Variants in DEFB119 observed in about 807,000 individuals in gnomAD.
DEFB119 encodes the protein beta-defensin 119.
DEFB119 carries 3 observed loss-of-function variants against 2.5 expected under a neutral mutation model. The observed-to-expected ratio is 1.19, with a 90% confidence interval of 0.54 to 3.07. The LOEUF is 3.07. Among genes scored for constraint, DEFB119 ranks in the 30% most tolerant of loss-of-function variants. The pLI is 0.03. For synonymous variants in DEFB119, 29 were observed against 33.7 expected, an observed-to-expected ratio of 0.86 and a Z score of 0.48; for missense variants, 113 against 101.1, an observed-to-expected ratio of 1.12 and a Z score of -0.50.
At chr20:31,388,874 G>A in intron 1 of DEFB119, 1 of 1,388,216 alleles carries the variant, frequency 7.2e-7, no homozygotes, top group Admixed American at 2.2e-5. Context: ...CAGCCCTAGT[G>A]ACTTCTCTCG....
At chr20:31,378,387 C>G (rs1358516359) in intron 1 of DEFB119, 5 of 1,614,130 alleles carry the variant, frequency 3.1e-6, no homozygotes, top group Non-Finnish European at 4.2e-6. Context: ...CTGTCCTCAC[C>G]AGAGCTGTAT....
At chr20:31,388,953 G>A in intron 1 of DEFB119, 2 of 1,515,702 alleles carry the variant, frequency 1.3e-6, no homozygotes, top group African/African-American at 2.8e-5. Flanking sequence ...CCTTATGATT[G>A]ACAGACACCA....
At chr20:31,386,327 A>G (rs1025187244) in intron 1 of DEFB119, among the ~76,000 whole-genome samples, 3 of 152,152 alleles carry the variant, frequency 2.0e-5, no homozygotes, top group African/African-American at 7.2e-5. Context: ...TGGGCAGCCT[A>G]AGTGTCCCAG....
chr20:31,390,186 A>G (rs183866691), intron 1 of DEFB119, among the ~76,000 whole-genome samples: 1 of 151,886 alleles, frequency 6.6e-6, no homozygotes, highest in East Asian at 1.9e-4. Flanking sequence ...ACCTCTCCCA[A>G]GCTCCCACCA....
chr20:31,378,103 G>A (rs1029770086), intron 1 of DEFB119, among the ~76,000 whole-genome samples: 1 of 152,216 alleles, frequency 6.6e-6, no homozygotes, highest in Non-Finnish European at 1.5e-5. Context: ...ACCATGCAGT[G>A]TCGATAGGAA....
rs532089598 is a variant in DEFB119 at position 31,387,374 on chromosome 20, A to G, written c.61+3049T>C. Among the ~76,000 whole-genome samples the G allele has an allele frequency of 2.0e-5, 3 of 152,350 alleles. No homozygotes were observed. In the South Asian group the frequency reaches 6.2e-4, roughly 32 times the overall value. ...TAACATTTGCAGGTCCTGAGGCAAG[A>G]AGGCAAATGAAGGCTACTGTGTCAT... On this transcript the variant is annotated intron_variant, in intron 1 of 1. Transcript: ENST00000376321.
rs572778611 is a variant in DEFB119, at chr20:31,389,449, C to G, written c.61+974G>C. On this transcript the variant is annotated intron_variant, in intron 1 of 1. Coordinates refer to ENST00000376321, the MANE Select transcript of DEFB119 (RefSeq NM_153289.4). ...GAGAGCTCCGAAGTTTTTGGGAGAG[C>G]CTTTTTTGGACTTCTCACCCTTCTG... Among the ~76,000 whole-genome samples the G allele has an allele frequency of 2.6e-4, 39 of 152,178 alleles. 1 individual carries two copies. The South Asian group carries it at 6.7e-3, about 26-fold the overall frequency.
chr20:31,388,146 A>G, intron 1 of DEFB119: 2 of 985,220 alleles, frequency 2.0e-6, no homozygotes, highest in Non-Finnish European at 2.4e-6. Context: ...ATTCCCAAAC[A>G]GGATTCTTAA....
chr20:31,389,060 C>T lies in DEFB119; in HGVS notation c.61+1363G>A, dbSNP rs768058751. ...GTTATATTTGTCTTCATTTTTGGAG[C>T]TGTTGTGGACATCTGAGGAGTGGTC... On this transcript the variant is annotated intron_variant, in intron 1 of 1. Coordinates refer to ENST00000376321, the MANE Select transcript of DEFB119 (RefSeq NM_153289.4). The T allele has an allele frequency of 1.9e-6, 3 of 1,614,156 alleles. No homozygotes were observed. The East Asian group carries it at 6.7e-5, about 36-fold the overall frequency.
rs375363394 is a variant in DEFB119, at chr20:31,380,031, T to C, written c.62-2592A>G. ...CAAGTTCTTTGTCAGATATATGGTT[T>C]GAAAATAATCTTGCCCTGTTGTAAT... On this transcript the variant is annotated intron_variant, in intron 1 of 1. Transcript: ENST00000376321. Among the ~76,000 whole-genome samples the C allele has an allele frequency of 3.2e-4, 48 of 152,320 alleles. No individual in the cohort carries two copies. The East Asian group carries it at 7.9e-3, about 25-fold the overall frequency.
chr20:31,386,787 ATTTTCT>A lies in DEFB119; in HGVS notation c.61+3630_61+3635del, dbSNP rs1362497308. Among the ~76,000 whole-genome samples, 288 of 115,508 alleles carry A rather than the reference ATTTTCT, an allele frequency of 2.5e-3. 2 individuals carry two copies. Among genetic ancestry groups the A allele is most frequent in the African/African-American group, 8.3e-3 (247 of 29,734 alleles). The allele number at this position is 115,508 out of a possible 152,430, so 75.8% of individuals were successfully genotyped here. On this transcript the variant is annotated intron_variant, in intron 1 of 1. Coordinates refer to ENST00000376321, the MANE Select transcript of DEFB119 (RefSeq NM_153289.4). Reference sequence around the variant, plus strand: ...TATAGTTAACAATCATTTATTGCGTATTTTCTTTTTCTTTTTCTTTTTCTTTTTTTT... The same window carrying A: ...TATAGTTAACAATCATTTATTGCGTATTTTCTTTTTCTTTTTCTTTTTTTT...
chr20:31,387,493 T>C (rs751812343), intron 1 of DEFB119, among the ~76,000 whole-genome samples: 2 of 152,226 alleles, frequency 1.3e-5, no homozygotes, highest in Non-Finnish European at 2.9e-5. Flanking sequence ...CCCTTCATAA[T>C]GACCTGAAAG....
upstream of DEFB119, chr20:31,390,626 A>T: frequency 1.4e-6 from 1 of 718,318 alleles, no homozygotes; most frequent in Non-Finnish European, 2.3e-6. Context: ...ATATGAGGTC[A>T]TCCAGGCCAA....
At chr20:31,386,258 C>T (rs1267085352) in intron 1 of DEFB119, among the ~76,000 whole-genome samples, 1 of 152,108 alleles carries the variant, frequency 6.6e-6, no homozygotes, top group Admixed American at 6.6e-5. Context: ...GGCAGGGAGA[C>T]CAGTGAGGAA....
chr20:31,386,020 C>G (rs996603655), intron 1 of DEFB119, among the ~76,000 whole-genome samples: 3 of 151,958 alleles, frequency 2.0e-5, no homozygotes, highest in Non-Finnish European at 4.4e-5. Context: ...CATGAACAAA[C>G]GCAATGTAGG....
At chr20:31,387,997 A>G in intron 1 of DEFB119, 9 of 917,064 alleles carry the variant, frequency 9.8e-6, no homozygotes, top group Non-Finnish European at 1.0e-5. Context: ...GCCATGAACC[A>G]TGCTTTACCG....
chr20:31,388,176 C>G, intron 1 of DEFB119: 2 of 984,300 alleles, frequency 2.0e-6, no homozygotes, highest in Non-Finnish European at 2.4e-6. Context: ...ATGAGTGAGT[C>G]TTCTCCCCAG....
chr20:31,380,024 T>C (rs983322738), intron 1 of DEFB119, among the ~76,000 whole-genome samples: 2 of 152,158 alleles, frequency 1.3e-5, no homozygotes, highest in East Asian at 3.9e-4. Flanking sequence ...TTGTCAGATA[T>C]ATGGTTTGAA....
chr20:31,386,310 G>GCT (rs1004442973), intron 1 of DEFB119, among the ~76,000 whole-genome samples: 5 of 152,200 alleles, frequency 3.3e-5, no homozygotes, highest in Admixed American at 2.6e-4. Context: ...GGCACAGGTA[G>GCT]CTCTCATGGG....
Sources: gnomAD v4.1 joint callset for allele counts (sites outside exome capture counted in the v4.1 genomes callset) on GRCh38, gnomAD v4.1.1 for gene constraint, MANE v1.5 for transcripts, NCBI Gene and HGNC (gene_info 2026-07-23, HGNC 2026-07-21) for gene names.